The following PDE1C variants were observed in gnomAD, a reference collection of about 807,000 sequenced individuals.
The protein encoded by PDE1C is phosphodiesterase 1C.
In PDE1C, 62 loss-of-function variants were observed where a neutral mutation model predicts 93.1. That is an observed-to-expected ratio of 0.67 (90% CI 0.54 to 0.82). The LOEUF (loss-of-function observed/expected upper bound fraction) is 0.82. PDE1C is among the 40% of genes least tolerant of loss of function. The probability of loss-of-function intolerance (pLI) is 0.00; values close to 1 mark genes in which losing one functional copy is unlikely to be tolerated. For missense variants in PDE1C, 742 were observed against 884.6 expected (o/e 0.84, Z 2.04); for synonymous variants, 325 against 310.1 (o/e 1.05, Z -0.50).
intron 1 of PDE1C, among the ~76,000 whole-genome samples, chr7:32,280,004 T>C (rs1195904002): frequency 6.6e-6 from 1 of 152,180 alleles, no homozygotes; most frequent in East Asian, 1.9e-4. Context: ...ATGCACAGAA[T>C]GATCCCACGG....
At chr7:32,335,761 C>T (rs565811151) in intron 1 of PDE1C, among the ~76,000 whole-genome samples, 1 of 152,206 alleles carries the variant, frequency 6.6e-6, no homozygotes, top group Non-Finnish European at 1.5e-5. Flanking sequence ...CAGGGTCTCA[C>T]TCTGTCACCT....
chr7:31,704,594 A>C, the PDE1C span, among the ~76,000 whole-genome samples: 1 of 152,234 alleles, frequency 6.6e-6, no homozygotes, highest in East Asian at 1.9e-4. Flanking sequence ...TGTATTGTCC[A>C]GTGATTCCTA....
At chr7:31,810,329 C>A (rs548995939) in intron 15 of PDE1C, among the ~76,000 whole-genome samples, 61 of 152,166 alleles carry the variant, frequency 4.0e-4, no homozygotes, top group African/African-American at 8.9e-4. Context: ...GCCAAAAGAT[C>A]CCAATAATAA....
the PDE1C span, chr7:31,695,903 C>T: frequency 5.0e-5 from 12 of 239,790 alleles, no homozygotes; most frequent in East Asian, 1.7e-4. Context: ...TTCAGGGACC[C>T]GGTCTCATGT....
chr7:32,067,255 A>G (rs1795509377), intron 1 of PDE1C, among the ~76,000 whole-genome samples: 1 of 152,190 alleles, frequency 6.6e-6, no homozygotes, highest in Non-Finnish European at 1.5e-5. Flanking sequence ...CTATGTTTCA[A>G]ATATGTATTA....
intron 1 of PDE1C, among the ~76,000 whole-genome samples, chr7:32,402,123 T>C (rs1378434402): frequency 2.6e-5 from 4 of 152,088 alleles, no homozygotes; most frequent in Admixed American, 2.6e-4. Flanking sequence ...TTGCCTAAAG[T>C]GAAACCCAGA....
the PDE1C span, among the ~76,000 whole-genome samples, chr7:31,711,869 C>T: frequency 6.6e-6 from 1 of 152,156 alleles, no homozygotes; most frequent in Non-Finnish European, 1.5e-5. Context: ...CAAGCCTGGG[C>T]CCTGCTTCCC....
intron 2 of PDE1C, among the ~76,000 whole-genome samples, chr7:32,186,099 T>TG (rs1803842506): frequency 6.9e-6 from 1 of 145,608 alleles, no homozygotes; most frequent in Non-Finnish European, 1.5e-5. Flanking sequence ...TTTTTTTTTT[T>TG]TTTTTTTTTT....
At chr7:31,672,475 T>G in the PDE1C span, among the ~76,000 whole-genome samples, 1 of 152,220 alleles carries the variant, frequency 6.6e-6, no homozygotes, top group South Asian at 2.1e-4. Flanking sequence ...TTTATTTAAA[T>G]CTTTGCTAAT....
intron 3 of PDE1C, among the ~76,000 whole-genome samples, chr7:32,083,040 C>T (rs113039402): frequency 0.13 from 19,866 of 149,428 alleles, 1,237 homozygotes; most frequent in East Asian, 0.33. Flanking sequence ...AGGCTTCAGA[C>T]GATCAAACTA....
upstream of PDE1C, among the ~76,000 whole-genome samples, chr7:32,074,633 A>G (rs1013173613): frequency 2.0e-5 from 3 of 152,280 alleles, no homozygotes; most frequent in Non-Finnish European, 2.9e-5. Context: ...TACGGAAAGG[A>G]GCAGGAGCAT....
At chr7:32,411,412 A>G (rs1397229413) in intron 1 of PDE1C, among the ~76,000 whole-genome samples, 2 of 152,242 alleles carry the variant, frequency 1.3e-5, no homozygotes, top group Middle Eastern at 3.2e-3. Context: ...ACAGCATGTT[A>G]CAGTACTAAA....
At chr7:31,619,628 C>T in the PDE1C span, among the ~76,000 whole-genome samples, 1 of 151,902 alleles carries the variant, frequency 6.6e-6, no homozygotes, top group Non-Finnish European at 1.5e-5. Context: ...GGGGAGGAGC[C>T]AAGATGGCCG....
chr7:31,754,193 T>C (rs978422805), intron 17 of PDE1C, among the ~76,000 whole-genome samples: 1 of 152,200 alleles, frequency 6.6e-6, no homozygotes, highest in African/African-American at 2.4e-5. Context: ...TATATGCTAC[T>C]ACACACCTCC....
At chr7:32,389,155 G>A (rs960285537) in intron 1 of PDE1C, among the ~76,000 whole-genome samples, 3 of 29,322 alleles carry the variant, frequency 1.0e-4, no homozygotes, top group Non-Finnish European at 2.2e-4. Flanking sequence ...ACTGATAGCT[G>A]ACGTGTGTGT....
At chr7:32,214,310 G>A (rs1806266998) in intron 1 of PDE1C, among the ~76,000 whole-genome samples, 1 of 152,078 alleles carries the variant, frequency 6.6e-6, no homozygotes, top group African/African-American at 2.4e-5. Context: ...GTCCAAGAGG[G>A]CTCCTTGTAA....
chr7:32,232,204 A>G (rs1021568318), intron 1 of PDE1C, among the ~76,000 whole-genome samples: 2 of 152,210 alleles, frequency 1.3e-5, no homozygotes, highest in African/African-American at 4.8e-5. Context: ...TTTTCCTGTC[A>G]TGTACTCTGA....
the PDE1C span, among the ~76,000 whole-genome samples, chr7:31,702,976 G>C: frequency 6.6e-6 from 1 of 152,132 alleles, no homozygotes; most frequent in Non-Finnish European, 1.5e-5. Context: ...ATGGTCTTTG[G>C]ATTCACAAAG....
intron 16 of PDE1C, chr7:31,783,913 C>CT (rs1267777162): frequency 6.6e-6 from 1 of 152,162 alleles, no homozygotes; most frequent in African/African-American, 2.4e-5. Flanking sequence ...CTATCACAAC[C>CT]ATGAAATCAA....
Sources: gnomAD v4.1 joint callset for allele counts (sites outside exome capture counted in the v4.1 genomes callset) on GRCh38, gnomAD v4.1.1 for gene constraint, MANE v1.5 for transcripts, NCBI Gene and HGNC (gene_info 2026-07-23, HGNC 2026-07-21) for gene names.